Variants in NHSL1 observed in about 807,000 individuals in gnomAD.
NHSL1 encodes the protein NHS like 1.
In NHSL1, 48 loss-of-function variants were observed where a neutral mutation model predicts 95.0. The observed-to-expected ratio is 0.51, with a 90% CI of 0.40 to 0.64. NHSL1 has a LOEUF of 0.64. NHSL1 is among the 30% of genes least tolerant of loss of function. The pLI, the probability that NHSL1 is intolerant of heterozygous loss-of-function variation, is 0.00. For missense variants in NHSL1, 1,971 were observed against 2,077.7 expected (o/e 0.95, Z 1.00); for synonymous variants, 783 against 833.9 (o/e 0.94, Z 1.05).
chr6:138,603,545 C>A (rs895610730), intron 1 of NHSL1, among the ~76,000 whole-genome samples: 1 of 152,022 alleles, frequency 6.6e-6, no homozygotes. Flanking sequence ...TACTAGGAGC[C>A]GAGGAATAAA....
At chr6:138,439,949 G>T (rs1395523226) in intron 5 of NHSL1, among the ~76,000 whole-genome samples, 1 of 152,120 alleles carries the variant, frequency 6.6e-6, no homozygotes, top group Non-Finnish European at 1.5e-5. Flanking sequence ...TAAGATCAAA[G>T]AAACAACTGA....
At chr6:138,558,510 G>A (rs1320378158) in intron 1 of NHSL1, among the ~76,000 whole-genome samples, 3 of 146,714 alleles carry the variant, frequency 2.0e-5, no homozygotes, top group South Asian at 2.2e-4. Flanking sequence ...TGTAGCCTCC[G>A]CCTCCTGGGC....
intron 1 of NHSL1, among the ~76,000 whole-genome samples, chr6:138,536,787 C>T (rs902259953): frequency 1.3e-5 from 2 of 151,966 alleles, no homozygotes; most frequent in Non-Finnish European, 2.9e-5. Context: ...CCTCTTTCCC[C>T]CAACTCCAGA....
chr6:138,457,497 C>T (rs1777693273), intron 3 of NHSL1, among the ~76,000 whole-genome samples: 2 of 152,130 alleles, frequency 1.3e-5, no homozygotes, highest in African/African-American at 2.4e-5. Flanking sequence ...TTTATATGTC[C>T]TTAACCTTTG....
At chr6:138,557,454 G>A (rs1783234981) in intron 1 of NHSL1, among the ~76,000 whole-genome samples, 1 of 152,190 alleles carries the variant, frequency 6.6e-6, no homozygotes, top group Non-Finnish European at 1.5e-5. Context: ...CCAAAGAGTG[G>A]TGGGGACTAC....
intron 1 of NHSL1, among the ~76,000 whole-genome samples, chr6:138,539,182 T>C (rs1307396022): frequency 6.6e-6 from 1 of 152,230 alleles, no homozygotes; most frequent in African/African-American, 2.4e-5. Context: ...TTAAATGCAA[T>C]TGCTACATAC....
intron 1 of NHSL1, among the ~76,000 whole-genome samples, chr6:138,566,587 T>TA (rs147113250): frequency 0.059 from 8,826 of 150,118 alleles, 853 homozygotes; most frequent in African/African-American, 0.2. Context: ...TTTCATAATT[T>TA]AAAAAAAAAC....
chr6:138,516,139 A>C (rs1393315120), intron 1 of NHSL1, among the ~76,000 whole-genome samples: 1 of 152,104 alleles, frequency 6.6e-6, no homozygotes, highest in Non-Finnish European at 1.5e-5. Context: ...GCTAAGTCTG[A>C]CTGTTGAGGT....
exon 1 of NHSL1, chr6:138,572,085 A>G: frequency 1.7e-6 from 1 of 575,524 alleles, no homozygotes. Context: ...TTAAAAAGAA[A>G]GGGAAAAGGA....
intron 1 of NHSL1, among the ~76,000 whole-genome samples, chr6:138,691,313 T>G (rs928484581): frequency 1.3e-5 from 2 of 152,162 alleles, no homozygotes; most frequent in Non-Finnish European, 2.9e-5. Flanking sequence ...ATCAAAGAGA[T>G]GAACGCAAAA....
At chr6:138,619,087 C>T (rs1339177895) in intron 1 of NHSL1, among the ~76,000 whole-genome samples, 2 of 152,142 alleles carry the variant, frequency 1.3e-5, no homozygotes, top group African/African-American at 4.8e-5. Flanking sequence ...CTTATAATCC[C>T]AGCACTCTGG....
chr6:138,654,647 T>C (rs1166325273), intron 1 of NHSL1, among the ~76,000 whole-genome samples: 1 of 152,170 alleles, frequency 6.6e-6, no homozygotes, highest in Non-Finnish European at 1.5e-5. Flanking sequence ...GAGATGCTAT[T>C]AGTATTCTGG....
rs894291715 is a variant in NHSL1 at position 138,430,555 on chromosome 6, C to T, written c.3790G>A (p.Glu1264Lys). ...HATHPGTSVLEGGAAGSMSPS... is the reference protein window; with the variant it reads ...HATHPGTSVLKGGAAGSMSPS... Reference sequence around the variant, plus strand: ...GACATGGATCCTGCAGCTCCTCCCTCAAGAACCGAGGTGCCAGGGTGCGTG... The same window carrying T: ...GACATGGATCCTGCAGCTCCTCCCTTAAGAACCGAGGTGCCAGGGTGCGTG... Residue 1264 changes from glutamate (E) to lysine (K), a missense_variant, in exon 6 of 8, where the codon GAG becomes AAG. Glu to Lys is a moderately conservative substitution (Grantham distance 56). This residue lies in a region of NHSL1 where 1,602 missense variants were observed against 1,654.5 expected (regional missense o/e 0.97). Coordinates refer to ENST00000343505, the MANE Select transcript of NHSL1 (RefSeq NM_001144060.2). This position sits in a 1 kb window ranked among gnomAD's most constrained non-coding sequence, Gnocchi z 4.7. 3.2e-6 allele frequency: 5 copies of T among 1,551,012 alleles called. No individual in the cohort carries two copies. Among genetic ancestry groups the T allele is most frequent in the African/African-American group, 1.4e-5 (1 of 73,148 alleles).
At chr6:138,603,161 G>A (rs545016539) in intron 1 of NHSL1, among the ~76,000 whole-genome samples, 1 of 152,296 alleles carries the variant, frequency 6.6e-6, no homozygotes, top group East Asian at 1.9e-4. Context: ...AGAGTATATT[G>A]AGAGGGGATT....
chr6:138,681,293 T>C (rs541355605), intron 1 of NHSL1, among the ~76,000 whole-genome samples: 11 of 152,340 alleles, frequency 7.2e-5, no homozygotes, highest in African/African-American at 2.6e-4. Context: ...AACGTGGTTA[T>C]CTGGAGTGGG....
At chr6:138,621,270 A>C (rs1174004220) in intron 1 of NHSL1, among the ~76,000 whole-genome samples, 2 of 152,228 alleles carry the variant, frequency 1.3e-5, no homozygotes, top group Non-Finnish European at 2.9e-5. Flanking sequence ...ATTCATTATC[A>C]TCCAATTTAG....
At chr6:138,502,523 G>A (rs1012841527), upstream of NHSL1, among the ~76,000 whole-genome samples, 33 of 151,792 alleles carry the variant, frequency 2.2e-4, no homozygotes, top group Middle Eastern at 3.4e-3. Flanking sequence ...TATGTTGCCC[G>A]GCTGTTCTCA....
intron 1 of NHSL1, among the ~76,000 whole-genome samples, chr6:138,588,875 G>C (rs1432280433): frequency 6.6e-6 from 1 of 152,054 alleles, no homozygotes; most frequent in Non-Finnish European, 1.5e-5. Flanking sequence ...CTGCCTGTTC[G>C]AAATAAGACT....
chr6:138,430,800 G>C lies in NHSL1; in HGVS notation c.3545C>G (p.Pro1182Arg). 1 of 1,551,362 alleles carries C rather than the reference G, an allele frequency of 6.4e-7. No homozygotes were observed. The highest frequency in any genetic ancestry group is 8.7e-7 in the Non-Finnish European group (1 of 1,146,950). The change falls in exon 6 of 8, where the codon CCA becomes CGA. Residue 1182 changes from proline to arginine, a missense_variant. Pro to Arg is a moderately radical substitution (Grantham distance 103, BLOSUM62 -2). Coordinates refer to ENST00000343505, the MANE Select transcript of NHSL1 (RefSeq NM_001144060.2). This position sits in a 1 kb window ranked among gnomAD's most constrained non-coding sequence, Gnocchi z 4.7. ...CCTGCTGGGTGAAGAGTCTGGGAGT[G>C]GGGTGGTGCTGGGGCTGGGCCGAGC... Reference protein sequence around the residue: ...AEARPSPSTTPLPDSSPSRKP... With the variant: ...AEARPSPSTTRLPDSSPSRKP...
Sources: allele counts gnomAD v4.1 joint callset (sites outside exome capture counted in the v4.1 genomes callset), GRCh38; gene constraint gnomAD v4.1.1; regional missense constraint gnomAD v4.1.1; non-coding constraint Gnocchi (gnomAD v3.1); transcripts MANE v1.5; gene names NCBI Gene and HGNC (gene_info 2026-07-23, HGNC 2026-07-21).